ALOX5: variants seen among roughly 807,000 people sequenced by gnomAD.
ALOX5 encodes the protein polyunsaturated fatty acid 5-lipoxygenase.
Under a neutral mutation model 87.9 loss-of-function variants are expected in ALOX5, and 64 were observed. The observed-to-expected ratio is 0.73, with a 90% CI of 0.60 to 0.90. The LOEUF (loss-of-function observed/expected upper bound fraction) is 0.90. Among genes scored for constraint, ALOX5 ranks in the 40% least tolerant of loss-of-function variants. ALOX5 has a pLI of 0.00. For synonymous variants in ALOX5, 388 were observed against 355.1 expected, an observed-to-expected ratio of 1.09 and a Z score of -1.04; for missense variants, 822 against 907.5, an observed-to-expected ratio of 0.91 and a Z score of 1.21.
intron 3 of ALOX5, among the ~76,000 whole-genome samples, chr10:45,408,031 T>C (rs1001245178): frequency 2.0e-5 from 3 of 152,222 alleles, no homozygotes; most frequent in Non-Finnish European, 4.4e-5. Flanking sequence ...TTGAAGTATT[T>C]TTCAGCTTAA....
At position 45,440,413 on chromosome 10, in the gene ALOX5, T is replaced by C; in HGVS notation, c.982-17T>C. The C allele has an allele frequency of 6.2e-7, 1 of 1,612,414 alleles. No individual in the cohort carries two copies. Among genetic ancestry groups the C allele is most frequent in the Non-Finnish European group, 8.5e-7 (1 of 1,178,550 alleles). On this transcript the variant is annotated splice_polypyrimidine_tract_variant and intron_variant, in intron 7 of 13. Transcript: ENST00000374391. The stretch of plus-strand genomic sequence containing the variant: ...AGTGAAATATAGCAGTGTGTTTCCT[T>C]TCCCCCAATGTATCAGCTCAACCAA...
intron 4 of ALOX5, among the ~76,000 whole-genome samples, chr10:45,414,866 A>C (rs1370349311): frequency 6.6e-6 from 1 of 152,252 alleles, no homozygotes; most frequent in Non-Finnish European, 1.5e-5. Context: ...AGAGAAATGC[A>C]AATCAAAACC....
chr10:45,411,238 T>G (rs555775355), intron 3 of ALOX5, among the ~76,000 whole-genome samples: 3 of 152,264 alleles, frequency 2.0e-5, no homozygotes. Context: ...TTTGTTGGGT[T>G]TTGGCCGGCT....
In ALOX5 at chr10:45,374,251, C is replaced by T. The variant is rs953779625; in HGVS notation, c.-29C>T. The T allele has an allele frequency of 4.1e-6, 6 of 1,454,258 alleles. No individual in the cohort carries two copies. The highest frequency in any genetic ancestry group is 1.5e-5 in the African/African-American group (1 of 67,542). The allele number at this position is 1,454,258 out of a possible 1,614,324, so 90.1% of individuals were successfully genotyped here. A position where few individuals can be genotyped will look rare whatever the true frequency, so the allele number is the denominator to read the frequency against. ...ACCTGGACCGCCGCGCCGAGGCTCCCGGCGCTCGCTGCTCCCGCGGCCCGC... is the reference window on the plus strand; with the variant it reads ...ACCTGGACCGCCGCGCCGAGGCTCCTGGCGCTCGCTGCTCCCGCGGCCCGC... On this transcript the variant is annotated 5_prime_UTR_variant, in exon 1 of 14. Transcript: ENST00000374391.
chr10:45,443,674 G>A (rs1842325457), intron 11 of ALOX5, 54 bp from the exon 12 acceptor site: 11 of 1,591,808 alleles, frequency 6.9e-6, no homozygotes, highest in African/African-American at 5.4e-5. Flanking sequence ...GGTGGGCGCC[G>A]GGCCCTGGGG....
Position 45,392,000 on chromosome 10 carries a change from GC to G in ALOX5, c.350-3849del, listed in dbSNP as rs772633667. On this transcript the variant is annotated intron_variant, in intron 2 of 13. Transcript: ENST00000374391. ...CCGGGAGGGAGGTGGGGGGCGGTCAGCCCCCCGCCCGGCCAGCCGCCCCGTC... is the reference window on the plus strand; with the variant it reads ...CCGGGAGGGAGGTGGGGGGCGGTCAGCCCCCGCCCGGCCAGCCGCCCCGTC... 3.2e-3 allele frequency among the ~76,000 whole-genome samples: 479 copies of G among 151,234 alleles called. 1 individual carries two copies. The highest frequency in any genetic ancestry group is 4.8e-3 in the Non-Finnish European group (324 of 67,784).
At chr10:45,418,468 GTTC>G in intron 4 of ALOX5, among the ~76,000 whole-genome samples, 2 of 152,302 alleles carry the variant, frequency 1.3e-5, no homozygotes, top group South Asian at 4.1e-4. Context: ...TCCATTCTTG[GTTC>G]AGGCCCTCTG....
intron 2 of ALOX5, among the ~76,000 whole-genome samples, chr10:45,392,627 T>C (rs1359445939): frequency 1.3e-5 from 2 of 151,882 alleles, no homozygotes; most frequent in Non-Finnish European, 2.9e-5. Flanking sequence ...GACTTGTTTA[T>C]CTGCTGACCT....
intron 3 of ALOX5, among the ~76,000 whole-genome samples, chr10:45,397,744 T>C (rs1840563440): frequency 6.6e-6 from 1 of 152,120 alleles, no homozygotes; most frequent in Non-Finnish European, 1.5e-5. Flanking sequence ...CAATTTACAA[T>C]AGCATCAAAA....
At chr10:45,390,985 T>C (rs1261888406) in intron 2 of ALOX5, among the ~76,000 whole-genome samples, 2 of 40,988 alleles carry the variant, frequency 4.9e-5, no homozygotes, top group African/African-American at 1.6e-4. Context: ...CAGCTCTCCC[T>C]CTCCCCTCTC....
At position 45,395,903 on chromosome 10, in the gene ALOX5, G is replaced by A. The variant is rs148401371; in HGVS notation, c.398G>A (p.Arg133His). 47 of 1,614,126 alleles carry A rather than the reference G, an allele frequency of 2.9e-5. No homozygotes were observed. The highest frequency in any genetic ancestry group is 6.7e-5 in the Admixed American group (4 of 60,006). The change falls in exon 3 of 14, where the codon CGT (arginine) becomes CAT (histidine). Residue 133 changes from arginine (R) to histidine (H), a missense_variant. By Grantham distance (29) the Arg-to-His change is conservative. Transcript: ENST00000374391. ...ATTCACATTCTCAAGCAACACCGAC[G>A]TAAAGAACTGGAAACACGGCAAAAA... Reference protein sequence around the residue: ...DQIHILKQHRRKELETRQKQY... With the variant: ...DQIHILKQHRHKELETRQKQY...
intron 2 of ALOX5, among the ~76,000 whole-genome samples, chr10:45,388,759 G>C (rs1307022754): frequency 6.6e-6 from 1 of 152,234 alleles, no homozygotes; most frequent in South Asian, 2.1e-4. Context: ...GAGCAGAAAA[G>C]CTGAACATTC....
rs1841671378 is a variant in ALOX5 at position 45,425,406 on chromosome 10, A to G, written c.834+274A>G. The stretch of plus-strand genomic sequence containing the variant: ...GTCAATATTTTCACTATCAGTATCA[A>G]TAATTACAGGAGCTACCCTTGATTA... On this transcript the variant is annotated intron_variant, in intron 6 of 13. Coordinates refer to ENST00000374391, the MANE Select transcript of ALOX5 (RefSeq NM_000698.5). The surrounding 1 kb of genome is among the most constrained non-coding windows in gnomAD (Gnocchi z 4.4). Among the ~76,000 whole-genome samples, 1 of 152,212 alleles carries G rather than the reference A, an allele frequency of 6.6e-6. No individual in the cohort carries two copies. Among genetic ancestry groups the G allele is most frequent in the South Asian group, 2.1e-4 (1 of 4,828 alleles).
intron 4 of ALOX5, among the ~76,000 whole-genome samples, chr10:45,421,055 T>C (rs1841488631): frequency 6.6e-6 from 1 of 152,244 alleles, no homozygotes; most frequent in Non-Finnish European, 1.5e-5. Context: ...GTGATCAAGG[T>C]GGCTGTTACC....
At chr10:45,404,421 A>G (rs1437311476) in intron 3 of ALOX5, among the ~76,000 whole-genome samples, 1 of 152,254 alleles carries the variant, frequency 6.6e-6, no homozygotes, top group Non-Finnish European at 1.5e-5. Flanking sequence ...GACCCAGGTC[A>G]TAGCCCACAG....
At chr10:45,402,463 G>T (rs1455897501) in intron 3 of ALOX5, among the ~76,000 whole-genome samples, 1 of 152,186 alleles carries the variant, frequency 6.6e-6, no homozygotes, top group Non-Finnish European at 1.5e-5. Context: ...GCATCTCGAG[G>T]ACAGGGGCCA....
chr10:45,377,000 C>G (rs1839638912), intron 1 of ALOX5, among the ~76,000 whole-genome samples: 1 of 152,188 alleles, frequency 6.6e-6, no homozygotes, highest in Non-Finnish European at 1.5e-5. Flanking sequence ...TAAAGTAATT[C>G]AGATCGGATA....
At chr10:45,424,008 T>C in intron 4 of ALOX5, 33 bp from the exon 5 acceptor site, 16 of 1,544,508 alleles carry the variant, frequency 1.0e-5, no homozygotes, top group Non-Finnish European at 1.3e-5. Context: ...GCATGGCTAG[T>C]GTGCGCAAGG....
rs1003134295 is a variant in ALOX5, at chr10:45,374,243, G to A, written c.-37G>A. On this transcript the variant is annotated 5_prime_UTR_variant, in exon 1 of 14. Transcript: ENST00000374391. ...ATGCGGACACCTGGACCGCCGCGCC[G>A]AGGCTCCCGGCGCTCGCTGCTCCCG... 6.9e-6 allele frequency: 10 copies of A among 1,448,430 alleles called. No individual in the cohort carries two copies. In the African/African-American group the frequency reaches 1.3e-4, roughly 19 times the overall value. 89.7% of individuals were successfully genotyped at this position (1,448,430 alleles called of 1,614,324 possible). A position where few individuals can be genotyped will look rare whatever the true frequency, so the allele number is the denominator to read the frequency against.
Sources: allele counts gnomAD v4.1 joint callset (sites outside exome capture counted in the v4.1 genomes callset), GRCh38; gene constraint gnomAD v4.1.1; non-coding constraint Gnocchi (gnomAD v3.1); transcripts MANE v1.5; gene names NCBI Gene and HGNC (gene_info 2026-07-23, HGNC 2026-07-21).